The following RGS7BP variants were observed in gnomAD, a reference collection of about 807,000 sequenced individuals.
RGS7BP encodes the protein regulator of G protein signaling 7 binding protein, also known as regulator of G protein signaling 7-binding protein.
RGS7BP carries 9 observed loss-of-function variants against 31.3 expected under a neutral mutation model. The observed-to-expected ratio is 0.29, with a 90% CI of 0.17 to 0.50. The LOEUF is 0.50. RGS7BP is among the 20% of genes least tolerant of loss of function. RGS7BP has a pLI of 0.98. For missense variants in RGS7BP, 274 were observed against 322.0 expected (o/e 0.85, Z 1.14); for synonymous variants, 115 against 120.1 (o/e 0.96, Z 0.28).
intron 2 of RGS7BP, among the ~76,000 whole-genome samples, chr5:64,529,046 G>A (rs1008620119): frequency 1.1e-4 from 17 of 152,154 alleles, no homozygotes; most frequent in Non-Finnish European, 2.4e-4. Context: ...TTCAGAAAAA[G>A]AGAATTATAA....
At chr5:64,515,062 T>A (rs1264557042) in intron 2 of RGS7BP, among the ~76,000 whole-genome samples, 2 of 152,214 alleles carry the variant, frequency 1.3e-5, no homozygotes, top group African/African-American at 4.8e-5. Flanking sequence ...TTATGCATAC[T>A]CTGAAGTGCA....
At chr5:64,588,117 G>A (rs1023656040) in intron 3 of RGS7BP, among the ~76,000 whole-genome samples, 1 of 152,142 alleles carries the variant, frequency 6.6e-6, no homozygotes, top group African/African-American at 2.4e-5. Context: ...TTATGAGTCT[G>A]CATATTCATA....
chr5:64,575,999 C>A, intron 3 of RGS7BP, 95 bp downstream of exon 3: 3 of 1,054,868 alleles, frequency 2.8e-6, no homozygotes, highest in Non-Finnish European at 4.0e-6. Flanking sequence ...ATATGCCTAT[C>A]TATATGCAAT....
intron 2 of RGS7BP, among the ~76,000 whole-genome samples, chr5:64,564,152 T>A (rs1362537900): frequency 2.0e-5 from 3 of 152,162 alleles, no homozygotes; most frequent in Non-Finnish European, 4.4e-5. Context: ...ACTTCAGTCA[T>A]CTAGTCTACA....
intron 2 of RGS7BP, among the ~76,000 whole-genome samples, chr5:64,542,433 C>G (rs1399420955): frequency 2.0e-5 from 3 of 152,186 alleles, no homozygotes; most frequent in African/African-American, 7.2e-5. Context: ...AAAATGCTTA[C>G]AGGACTACCT....
chr5:64,548,149 CT>C (rs1741704082), intron 2 of RGS7BP, among the ~76,000 whole-genome samples: 1 of 151,954 alleles, frequency 6.6e-6, no homozygotes, highest in Admixed American at 6.6e-5. Flanking sequence ...ATAAATATTT[CT>C]GTTAATATTA....
chr5:64,539,222 T>C (rs1043238019), intron 2 of RGS7BP, among the ~76,000 whole-genome samples: 40 of 152,326 alleles, frequency 2.6e-4, no homozygotes, highest in African/African-American at 8.9e-4. Context: ...ATTGGTTTGT[T>C]TGTTTTCTTA....
intron 2 of RGS7BP, among the ~76,000 whole-genome samples, chr5:64,519,788 A>G (rs1749063918): frequency 6.6e-6 from 1 of 152,188 alleles, no homozygotes; most frequent in Non-Finnish European, 1.5e-5. Flanking sequence ...ACAACCTGGG[A>G]AGATACTGTT....
At position 64,595,728 on chromosome 5, in the gene RGS7BP, A is replaced by T. The variant is rs1388094073; in HGVS notation, c.611+871A>T. Among the ~76,000 whole-genome samples, 3 of 152,124 alleles carry T rather than the reference A, an allele frequency of 2.0e-5. No individual in the cohort carries two copies. In the South Asian group the frequency reaches 6.2e-4, roughly 32 times the overall value. ...CAATTCCACTGAGTGTTCTGTGTGT[A>T]TGAGGTTAAGTCACTGACAACATAA... On this transcript the variant is annotated intron_variant, in intron 4 of 5. Coordinates refer to ENST00000334025, the MANE Select transcript of RGS7BP (RefSeq NM_001029875.3).
chr5:64,522,809 G>A (rs1382985635), intron 2 of RGS7BP, among the ~76,000 whole-genome samples: 1 of 152,000 alleles, frequency 6.6e-6, no homozygotes, highest in Non-Finnish European at 1.5e-5. Flanking sequence ...TAGATCTAAT[G>A]TGAAAATGTG....
At chr5:64,606,611 G>A (rs1177569934) in intron 5 of RGS7BP, among the ~76,000 whole-genome samples, 1 of 152,042 alleles carries the variant, frequency 6.6e-6, no homozygotes, top group African/African-American at 2.4e-5. Flanking sequence ...CTCAGAATTT[G>A]CTATATCTTT....
chr5:64,607,171 G>A (rs1049787245), intron 5 of RGS7BP, among the ~76,000 whole-genome samples: 2 of 152,082 alleles, frequency 1.3e-5, no homozygotes, highest in African/African-American at 4.8e-5. Context: ...AAGGGGAGGA[G>A]AAGCCCAGGC....
intron 2 of RGS7BP, among the ~76,000 whole-genome samples, chr5:64,567,702 G>A (rs984653179): frequency 6.8e-6 from 1 of 147,768 alleles, no homozygotes; most frequent in African/African-American, 2.4e-5. Context: ...TTATTGAAGA[G>A]AAATACAGCA....
At chr5:64,579,644 A>G (rs1742535740) in intron 3 of RGS7BP, among the ~76,000 whole-genome samples, 1 of 152,002 alleles carries the variant, frequency 6.6e-6, no homozygotes, top group Non-Finnish European at 1.5e-5. Context: ...ATATCATTAA[A>G]CCAGAGAAAA....
chr5:64,518,308 A>C lies in RGS7BP; in HGVS notation c.332+10431A>C, dbSNP rs183520915. On this transcript the variant is annotated intron_variant, in intron 2 of 5. Coordinates refer to ENST00000334025, the MANE Select transcript of RGS7BP (RefSeq NM_001029875.3). ...CATAGTGCTCTTCTAGGTGCGGTAG[A>C]TACAACAGCTTTGAACAAAATAAAG... Among the ~76,000 whole-genome samples the C allele has an allele frequency of 3.1e-3, 475 of 151,942 alleles. 1 individual carries two copies. The highest frequency in any genetic ancestry group is 8.4e-3 in the Admixed American group (128 of 15,230).
chr5:64,608,436 A>G lies in RGS7BP; in HGVS notation c.683-725A>G, dbSNP rs539025664. Reference sequence around the variant, plus strand: ...CAGTCTTCTATGAATGCCCTTGTGTACAGAAATCTATAGAAAGTGCTGGGG... The same window carrying G: ...CAGTCTTCTATGAATGCCCTTGTGTGCAGAAATCTATAGAAAGTGCTGGGG... On this transcript the variant is annotated intron_variant, in intron 5 of 5. Coordinates refer to ENST00000334025, the MANE Select transcript of RGS7BP (RefSeq NM_001029875.3). Among the ~76,000 whole-genome samples, 3 of 152,170 alleles carry G rather than the reference A, an allele frequency of 2.0e-5. No homozygotes were observed. The East Asian group carries it at 5.8e-4, about 29-fold the overall frequency.
intron 2 of RGS7BP, among the ~76,000 whole-genome samples, chr5:64,529,587 A>G (rs897602359): frequency 2.0e-5 from 3 of 152,174 alleles, no homozygotes. Context: ...TCTGGGTCCT[A>G]CCCTCAGAGA....
At chr5:64,527,606 T>TAAAAAAAAAAAAAAA (rs59081277) in intron 2 of RGS7BP, among the ~76,000 whole-genome samples, 2 of 86,464 alleles carry the variant, frequency 2.3e-5, no homozygotes, top group Non-Finnish European at 4.6e-5. Context: ...CTTATAACAG[T>TAAAAAAAAAAAAAAA]AAAAAAAAAA....
In RGS7BP at chr5:64,567,856, A is replaced by G. The variant is rs75934740; in HGVS notation, c.333-7918A>G. 5.2e-3 allele frequency among the ~76,000 whole-genome samples: 757 copies of G among 145,176 alleles called. 7 individuals are homozygous for G. Among genetic ancestry groups the G allele is most frequent in the African/African-American group, 0.018 (731 of 40,984 alleles). On this transcript the variant is annotated intron_variant, in intron 2 of 5. Coordinates refer to ENST00000334025, the MANE Select transcript of RGS7BP (RefSeq NM_001029875.3). ...GCAATGAATGACCCATACTTTCGAT[A>G]TAATGAAAATTAACAAGTTGATTTC... is the stretch of plus-strand genomic sequence containing the variant.
Sources: gnomAD v4.1 joint callset for allele counts (sites outside exome capture counted in the v4.1 genomes callset) on GRCh38, gnomAD v4.1.1 for gene constraint, MANE v1.5 for transcripts, NCBI Gene and HGNC (gene_info 2026-07-23, HGNC 2026-07-21) for gene names.